Variants in PRKD1 observed in about 807,000 individuals in gnomAD.
PRKD1 encodes protein kinase D1.
In PRKD1, 63 loss-of-function variants were observed where a neutral mutation model predicts 95.9. The ratio of observed to expected loss-of-function variants is 0.66; its 90% confidence interval spans 0.54 to 0.81. The LOEUF is 0.81. Ranked by LOEUF, PRKD1 falls within the 30% of genes least tolerant of loss-of-function variation. The probability of loss-of-function intolerance (pLI) is 0.00; values close to 1 mark genes in which losing one functional copy is unlikely to be tolerated. For missense variants in PRKD1, 1,048 were observed against 1,165.3 expected (o/e 0.90, Z 1.47); for synonymous variants, 425 against 423.1 (o/e 1.00, Z -0.05).
intron 1 of PRKD1, among the ~76,000 whole-genome samples, chr14:29,767,917 A>G (rs1443133266): frequency 6.6e-6 from 1 of 152,222 alleles, no homozygotes. Context: ...GTTGCTTGAA[A>G]TATTTATCTT....
chr14:29,667,469 T>C (rs1594410576), intron 2 of PRKD1, among the ~76,000 whole-genome samples: 1 of 152,280 alleles, frequency 6.6e-6, no homozygotes, highest in South Asian at 2.1e-4. Context: ...GCATATCACA[T>C]TTCCCACTTC....
chr14:29,921,813 T>C (rs1348573765), intron 1 of PRKD1, among the ~76,000 whole-genome samples: 1 of 152,154 alleles, frequency 6.6e-6, no homozygotes, highest in Non-Finnish European at 1.5e-5. Flanking sequence ...ACCACCACCA[T>C]ACACAGTGTA....
intron 2 of PRKD1, among the ~76,000 whole-genome samples, chr14:29,705,504 A>G (rs368468479): frequency 6.6e-6 from 1 of 151,862 alleles, no homozygotes; most frequent in Non-Finnish European, 1.5e-5. Context: ...TATACAATTA[A>G]CCCATTTAAA....
intron 1 of PRKD1, chr14:29,751,201 A>C (rs1039114166): frequency 1.1e-4 from 17 of 152,192 alleles, no homozygotes; most frequent in African/African-American, 4.1e-4. Context: ...TGTATTTTCA[A>C]GTCCTTCTTA....
At chr14:29,741,447 C>A (rs1319462853) in intron 1 of PRKD1, among the ~76,000 whole-genome samples, 2 of 152,152 alleles carry the variant, frequency 1.3e-5, no homozygotes, top group Admixed American at 6.5e-5. Flanking sequence ...GACTACCTCC[C>A]AGAACCACTG....
chr14:29,740,036 G>A (rs1886915412), intron 1 of PRKD1, among the ~76,000 whole-genome samples: 1 of 152,138 alleles, frequency 6.6e-6, no homozygotes, highest in African/African-American at 2.4e-5. Context: ...ATCAATGAGA[G>A]CCTCACTATT....
intron 2 of PRKD1, among the ~76,000 whole-genome samples, chr14:29,704,389 G>C (rs1338795970): frequency 6.6e-6 from 1 of 152,134 alleles, no homozygotes; most frequent in Non-Finnish European, 1.5e-5. Context: ...TTGGTATCGA[G>C]TCCGACTAAT....
chr14:29,800,761 T>C (rs1889995225), intron 1 of PRKD1, among the ~76,000 whole-genome samples: 1 of 152,206 alleles, frequency 6.6e-6, no homozygotes, highest in Non-Finnish European at 1.5e-5. Context: ...CCTGGACAGC[T>C]ATAATGTGAC....
intron 4 of PRKD1, among the ~76,000 whole-genome samples, chr14:29,662,315 A>G (rs1882231547): frequency 6.6e-6 from 1 of 152,150 alleles, no homozygotes; most frequent in African/African-American, 2.4e-5. Context: ...AAAAATTCAA[A>G]CTCAAAGAAC....
chr14:29,782,012 A>G (rs1889069279), intron 1 of PRKD1, among the ~76,000 whole-genome samples: 1 of 152,198 alleles, frequency 6.6e-6, no homozygotes, highest in South Asian at 2.1e-4. Flanking sequence ...TTACATGTAT[A>G]CCCAGATGTG....
At chr14:29,859,471 A>G (rs1389391048) in intron 1 of PRKD1, among the ~76,000 whole-genome samples, 1 of 151,780 alleles carries the variant, frequency 6.6e-6, no homozygotes, top group Non-Finnish European at 1.5e-5. Flanking sequence ...AGCCGGGCAT[A>G]GTGGCGGGCG....
At chr14:29,675,188 A>T (rs549774012) in intron 2 of PRKD1, among the ~76,000 whole-genome samples, 1 of 152,344 alleles carries the variant, frequency 6.6e-6, no homozygotes, top group Non-Finnish European at 1.5e-5. Context: ...CGACTGATTC[A>T]GTTGGTCTGC....
chr14:29,650,173 A>G (rs576779925), intron 4 of PRKD1: 3 of 152,296 alleles, frequency 2.0e-5, no homozygotes, highest in African/African-American at 7.2e-5. Context: ...TGTGAGTTTC[A>G]TTCAAATCAA....
intron 1 of PRKD1, among the ~76,000 whole-genome samples, chr14:29,867,600 A>G (rs1040590749): frequency 3.9e-5 from 6 of 152,212 alleles, no homozygotes; most frequent in African/African-American, 1.4e-4. Context: ...AATTTAGGAA[A>G]ATGGTAATGG....
intron 1 of PRKD1, among the ~76,000 whole-genome samples, chr14:29,811,450 C>A (rs1046386082): frequency 2.6e-5 from 4 of 152,198 alleles, no homozygotes; most frequent in African/African-American, 7.2e-5. Flanking sequence ...AGAAGGATGA[C>A]CCCCAGAAGC....
At chr14:29,916,896 G>T (rs73243943) in intron 1 of PRKD1, among the ~76,000 whole-genome samples, 1 of 152,122 alleles carries the variant, frequency 6.6e-6, no homozygotes, top group East Asian at 1.9e-4. Context: ...CCTTAAGTGT[G>T]TTCCTCCCTA....
chr14:29,599,149 T>A (rs1392444192), intron 14 of PRKD1, 24 bp from the exon 15 acceptor site: 2 of 1,581,638 alleles, frequency 1.3e-6, no homozygotes, highest in Non-Finnish European at 1.7e-6. Context: ...TCACCAAAAT[T>A]TCATTCCAGT....
At chr14:29,889,876 TAA>T (rs745964147) in intron 1 of PRKD1, among the ~76,000 whole-genome samples, 26 of 152,228 alleles carry the variant, frequency 1.7e-4, no homozygotes, top group Non-Finnish European at 3.2e-4. Context: ...CCCTAGAACT[TAA>T]AGTATAATAA....
At chr14:29,681,926 T>A (rs143602615) in intron 2 of PRKD1, among the ~76,000 whole-genome samples, 2 of 152,312 alleles carry the variant, frequency 1.3e-5, no homozygotes, top group East Asian at 3.9e-4. Context: ...AACAGTATGC[T>A]GAGAAAATGA....
Sources: gnomAD v4.1 joint callset for allele counts (sites outside exome capture counted in the v4.1 genomes callset) on GRCh38, gnomAD v4.1.1 for gene constraint, MANE v1.5 for transcripts, NCBI Gene and HGNC (gene_info 2026-07-23, HGNC 2026-07-21) for gene names.